Variants in ARAP3 observed in about 807,000 individuals in gnomAD.
The protein encoded by ARAP3 is arf-GAP with Rho-GAP domain, ANK repeat and PH domain-containing protein 3.
Under a neutral mutation model 169.2 loss-of-function variants are expected in ARAP3, and 82 were observed. The observed-to-expected ratio is 0.48, with a 90% CI of 0.41 to 0.58. ARAP3 has a LOEUF of 0.58. Among genes scored for constraint, ARAP3 ranks in the 20% least tolerant of loss-of-function variants. The probability of loss-of-function intolerance (pLI) is 0.00; values close to 1 mark genes in which losing one functional copy is unlikely to be tolerated. For synonymous variants in ARAP3, 791 were observed against 800.3 expected (o/e 0.99, Z 0.20); for missense variants, 1,764 against 2,018.0 (o/e 0.87, Z 2.41).
At position 141,671,860 on chromosome 5, in the gene ARAP3, T is replaced by C. The variant is rs1242483821; in HGVS notation, c.1671+35A>G. Reference sequence around the variant, plus strand: ...AGGCCTGCTTCTGGACGCTCCCTTCTACGCCTCCCACCTTCTCCCTCTTCG... The same window carrying C: ...AGGCCTGCTTCTGGACGCTCCCTTCCACGCCTCCCACCTTCTCCCTCTTCG... On this transcript the variant is annotated intron_variant, in intron 11 of 32. Coordinates refer to ENST00000239440, the MANE Select transcript of ARAP3 (RefSeq NM_022481.6). This position sits in a 1 kb window ranked among gnomAD's most constrained non-coding sequence, Gnocchi z 4.9. The C allele has an allele frequency of 7.4e-6, 12 of 1,614,036 alleles. 1 individual carries two copies. The South Asian group carries it at 1.1e-4, about 15-fold the overall frequency.
intron 31 of ARAP3, 27 bp downstream of exon 31, chr5:141,655,594 G>T: frequency 6.2e-7 from 1 of 1,613,858 alleles, no homozygotes; most frequent in South Asian, 1.1e-5. Context: ...GACAGGAATC[G>T]GGTTGGGGCA....
At chr5:141,657,890 G>A (rs2099909451) in intron 25 of ARAP3, among the ~76,000 whole-genome samples, 1 of 152,172 alleles carries the variant, frequency 6.6e-6, no homozygotes, top group African/African-American at 2.4e-5. Context: ...TTACATTTGA[G>A]TTGCTTGTCA....
chr5:141,678,139 C>T (rs1038471706), intron 4 of ARAP3, among the ~76,000 whole-genome samples: 4 of 152,056 alleles, frequency 2.6e-5, no homozygotes, highest in Non-Finnish European at 5.9e-5. Context: ...TTAGTAGACA[C>T]GAGGTTTCAC....
chr5:141,660,655 A>C (rs2099909832), intron 21 of ARAP3, among the ~76,000 whole-genome samples: 1 of 152,016 alleles, frequency 6.6e-6, no homozygotes. Context: ...ATTTATTTTT[A>C]TCTTTTATAG....
chr5:141,674,961 C>G (rs1461628196), intron 4 of ARAP3, among the ~76,000 whole-genome samples: 2 of 152,210 alleles, frequency 1.3e-5, no homozygotes, highest in African/African-American at 4.8e-5. Flanking sequence ...TTGCAGGAAG[C>G]CCTTCAATAA....
In ARAP3 at chr5:141,654,423, A is replaced by T. The variant is rs1470525721; in HGVS notation, c.4162T>A (p.Ser1388Thr). 1 of 1,584,854 alleles carries T rather than the reference A, an allele frequency of 6.3e-7. No individual in the cohort carries two copies. Among genetic ancestry groups the T allele is most frequent in the Admixed American group, 1.8e-5 (1 of 57,054 alleles). Residue 1388 changes from serine to threonine, a missense_variant, in exon 33 of 33, where the codon TCC becomes ACC. Transcript: ENST00000239440. ...TLSMFFPMKS[S>T]QGSVEEQEEL... is the part of the protein sequence containing the mutation. ...TCTTGCTCCTCCACAGACCCCTGGG[A>T]TGACTTCATTGGCTGGATGGGAATG... is the stretch of plus-strand genomic sequence containing the variant.
At position 141,671,529 on chromosome 5, in the gene ARAP3, G is replaced by A. The variant is rs759763787; in HGVS notation, c.1854+41C>T. 1.2e-6 allele frequency: 2 copies of A among 1,611,236 alleles called. No individual in the cohort carries two copies. The highest frequency in any genetic ancestry group is 1.1e-5 in the South Asian group (1 of 90,884). On this transcript the variant is annotated intron_variant, in intron 12 of 32. Coordinates refer to ENST00000239440, the MANE Select transcript of ARAP3 (RefSeq NM_022481.6). This position sits in a 1 kb window ranked among gnomAD's most constrained non-coding sequence, Gnocchi z 4.9. ...ATTCCAACTCCAGAGAGTGTTTCCTGACCCCCCCACCCCAGATCACCCCTG... is the reference window on the plus strand; with the variant it reads ...ATTCCAACTCCAGAGAGTGTTTCCTAACCCCCCCACCCCAGATCACCCCTG...
Position 141,653,766 on chromosome 5 carries a change from C to T in ARAP3, c.*184G>A. On this transcript the variant is annotated 3_prime_UTR_variant, in exon 33 of 33. Coordinates refer to ENST00000239440, the MANE Select transcript of ARAP3 (RefSeq NM_022481.6). ...ATGGTATAGATAAATGGGCTGGGCCCAGAGAGGGGCCATGACCTGTCCTGG... is the reference window on the plus strand; with the variant it reads ...ATGGTATAGATAAATGGGCTGGGCCTAGAGAGGGGCCATGACCTGTCCTGG... The T allele has an allele frequency of 1.4e-6, 1 of 692,748 alleles. No individual in the cohort carries two copies. The highest frequency in any genetic ancestry group is 2.2e-6 in the Non-Finnish European group (1 of 461,592). 42.9% of individuals were successfully genotyped at this position (692,748 alleles called of 1,614,324 possible).
chr5:141,670,446 CTGCA>C, intron 14 of ARAP3, 62 bp downstream of exon 14: 1 of 1,492,934 alleles, frequency 6.7e-7, no homozygotes, highest in Admixed American at 1.7e-5. Flanking sequence ...CTTTGTCCCT[CTGCA>C]GTACCCTCAC....
At chr5:141,679,730 C>T (rs1378462374) in intron 3 of ARAP3, 31 bp downstream of exon 3, 2 of 1,614,032 alleles carry the variant, frequency 1.2e-6, no homozygotes, top group Non-Finnish European at 1.7e-6. Context: ...CGGCACTATC[C>T]CTCTCCCCCA....
In ARAP3 at chr5:141,669,752, T is replaced by A; in HGVS notation, c.2309A>T (p.Asp770Val). 6.2e-7 allele frequency: 1 copy of A among 1,614,080 alleles called. No homozygotes were observed. The highest frequency in any genetic ancestry group is 8.5e-7 in the Non-Finnish European group (1 of 1,179,996). ...AGGRIQHFGT[D>V]GADSLEAWTS... ...CCAGGCCTCCAGACTGTCAGCTCCA[T>A]CTGTGCCAAAATGCTGGATCCTCCC... Residue 770 changes from aspartate (D) to valine (V), a missense_variant, in exon 16 of 33, where the codon GAT becomes GTT. Physicochemically the swap from Asp to Val is radical, Grantham distance 152. Coordinates refer to ENST00000239440, the MANE Select transcript of ARAP3 (RefSeq NM_022481.6).
intron 21 of ARAP3, among the ~76,000 whole-genome samples, chr5:141,661,254 G>T (rs779863451): frequency 2.0e-5 from 3 of 151,858 alleles, no homozygotes; most frequent in Non-Finnish European, 4.4e-5. Flanking sequence ...AGTAGAGGCT[G>T]GGTTTCACCA....
intron 4 of ARAP3, among the ~76,000 whole-genome samples, chr5:141,678,321 G>C (rs575229515): frequency 6.6e-6 from 1 of 152,160 alleles, no homozygotes; most frequent in Non-Finnish European, 1.5e-5. Flanking sequence ...ACCTGCCCCA[G>C]CCAAGATGGC....
Position 141,672,462 on chromosome 5 carries a change from A to G in ARAP3, c.1385+90T>C. On this transcript the variant is annotated intron_variant, in intron 9 of 32. Coordinates refer to ENST00000239440, the MANE Select transcript of ARAP3 (RefSeq NM_022481.6). This position sits in a 1 kb window ranked among gnomAD's most constrained non-coding sequence, Gnocchi z 4.9. ...GACTACCATCTGTGCATACCCTCTGACGTCCTACTAAAGAGGCCTCTAGTC... is the reference window on the plus strand; with the variant it reads ...GACTACCATCTGTGCATACCCTCTGGCGTCCTACTAAAGAGGCCTCTAGTC... 1 of 1,503,824 alleles carries G rather than the reference A, an allele frequency of 6.6e-7. No individual in the cohort carries two copies. Among genetic ancestry groups the G allele is most frequent in the Non-Finnish European group, 9.1e-7 (1 of 1,103,124 alleles). 93.2% of individuals were successfully genotyped at this position (1,503,824 alleles called of 1,614,324 possible).
At position 141,671,502 on chromosome 5, in the gene ARAP3, G is replaced by A; in HGVS notation, c.1854+68C>T. On this transcript the variant is annotated intron_variant, in intron 12 of 32. Coordinates refer to ENST00000239440, the MANE Select transcript of ARAP3 (RefSeq NM_022481.6). The surrounding 1 kb of genome is among the most constrained non-coding windows in gnomAD (Gnocchi z 4.9). The stretch of plus-strand genomic sequence containing the variant: ...AACAGTCCCCACCACCCAAGTCTAG[G>A]CATTCCAACTCCAGAGAGTGTTTCC... 1 of 1,608,320 alleles carries A rather than the reference G, an allele frequency of 6.2e-7. No homozygotes were observed. The highest frequency in any genetic ancestry group is 8.5e-7 in the Non-Finnish European group (1 of 1,177,570).
At chr5:141,659,301 TGTCCAGAAGGACAG>T in intron 23 of ARAP3, 93 bp downstream of exon 23, 1 of 1,030,150 alleles carries the variant, frequency 9.7e-7, no homozygotes, top group Non-Finnish European at 1.5e-6. Flanking sequence ...TGAGTGCTAG[TGTCCAGAAGGACAG>T]GCTGGAAACT....
rs377027825 is a variant in ARAP3, at chr5:141,659,578, G to T, written c.3268-102C>A. 7 of 1,409,478 alleles carry T rather than the reference G, an allele frequency of 5.0e-6. 1 individual carries two copies. The East Asian group carries it at 1.6e-4, about 32-fold the overall frequency. The allele number at this position is 1,409,478 out of a possible 1,614,324, so 87.3% of individuals were successfully genotyped here. On this transcript the variant is annotated intron_variant, in intron 22 of 32. Coordinates refer to ENST00000239440, the MANE Select transcript of ARAP3 (RefSeq NM_022481.6). ...TGTTTAAGAGGGCTGGAGGCCAGAA[G>T]AGCTAAGAACCAAGGGGGTGAGGAT...
chr5:141,661,255 G>A (rs1248408692), intron 21 of ARAP3, among the ~76,000 whole-genome samples: 3 of 151,628 alleles, frequency 2.0e-5, no homozygotes, highest in Non-Finnish European at 2.9e-5. Context: ...GTAGAGGCTG[G>A]GTTTCACCAT....
chr5:141,654,181 G>A lies in ARAP3; in HGVS notation c.4404C>T (p.Gly1468=), dbSNP rs781474488. The A allele has an allele frequency of 1.9e-6, 3 of 1,613,982 alleles. No homozygotes were observed. Among genetic ancestry groups the A allele is most frequent in the Non-Finnish European group, 2.5e-6 (3 of 1,179,920 alleles). ...QEERPPEPPP[G]PPSKSSPQAR... is the part of the protein sequence containing the mutation. ...CCTGGGGACTGCTCTTTGAAGGGGGGCCTGGAGGGGGCTCAGGTGGCCTCT... is the reference window on the plus strand; with the variant it reads ...CCTGGGGACTGCTCTTTGAAGGGGGACCTGGAGGGGGCTCAGGTGGCCTCT... The change falls in exon 33 of 33, where the codon GGC becomes GGT. Residue 1468 remains glycine, a synonymous_variant. Coordinates refer to ENST00000239440, the MANE Select transcript of ARAP3 (RefSeq NM_022481.6).
Sources: allele counts gnomAD v4.1 joint callset (sites outside exome capture counted in the v4.1 genomes callset), GRCh38; gene constraint gnomAD v4.1.1; non-coding constraint Gnocchi (gnomAD v3.1); transcripts MANE v1.5; gene names NCBI Gene and HGNC (gene_info 2026-07-23, HGNC 2026-07-21).